CSMD1: variants seen among roughly 807,000 people sequenced by gnomAD.
CSMD1 encodes CUB and Sushi multiple domains 1.
In CSMD1, 213 loss-of-function variants were observed where a neutral mutation model predicts 417.5. The observed-to-expected ratio is 0.51, with a 90% CI of 0.46 to 0.57. CSMD1 has a LOEUF of 0.57. Ranked by LOEUF, CSMD1 falls within the 20% of genes least tolerant of loss-of-function variation. CSMD1 has a pLI of 0.00. For missense variants in CSMD1, 6,923 were observed against 4,529.7 expected (o/e 1.53, Z -15.17); for synonymous variants, 2,862 against 1,736.8 (o/e 1.65, Z -16.11).
chr8:3,805,284 A>G (rs1021136185), intron 5 of CSMD1, among the ~76,000 whole-genome samples: 1 of 152,186 alleles, frequency 6.6e-6, no homozygotes, highest in East Asian at 1.9e-4. Flanking sequence ...ATCGCAGAGG[A>G]AGGAGCCACA....
At chr8:4,116,807 A>G (rs571192964) in intron 3 of CSMD1, among the ~76,000 whole-genome samples, 10 of 145,134 alleles carry the variant, frequency 6.9e-5, no homozygotes, top group Non-Finnish European at 1.5e-4. Flanking sequence ...ACCTAAAACT[A>G]CTCTAAAAAA....
At chr8:4,052,233 A>C (rs1270800325) in intron 3 of CSMD1, among the ~76,000 whole-genome samples, 1 of 152,148 alleles carries the variant, frequency 6.6e-6, no homozygotes, top group Non-Finnish European at 1.5e-5. Context: ...CCAGTACTGC[A>C]GGATTTCTGA....
intron 3 of CSMD1, among the ~76,000 whole-genome samples, chr8:4,220,142 G>C (rs1317262994): frequency 2.6e-5 from 4 of 152,054 alleles, no homozygotes; most frequent in Admixed American, 6.5e-5. Flanking sequence ...GTAGAGACAG[G>C]GTTTTGCCAT....
At chr8:4,527,395 T>TAC (rs1314886314) in intron 2 of CSMD1, among the ~76,000 whole-genome samples, 2 of 152,238 alleles carry the variant, frequency 1.3e-5, no homozygotes, top group Non-Finnish European at 2.9e-5. Context: ...GGTCATTTTA[T>TAC]ACCTTTTTTC....
intron 7 of CSMD1, among the ~76,000 whole-genome samples, chr8:3,698,769 G>T (rs990878098): frequency 6.6e-6 from 1 of 152,140 alleles, no homozygotes; most frequent in Non-Finnish European, 1.5e-5. Flanking sequence ...ATCCATATGC[G>T]GACTAATAGA....
rs563408099 is a variant in CSMD1 at position 4,117,319 on chromosome 8, T to C, written c.416-85220A>G. Among the ~76,000 whole-genome samples, 605 of 151,750 alleles carry C rather than the reference T, an allele frequency of 4.0e-3. 6 individuals are homozygous for C. The highest frequency in any genetic ancestry group is 0.014 in the African/African-American group (561 of 41,430). ...TGGCTGGTGGGATCCTCCTTATACATCACCGTCTGCCTGTACCAACACTGT... is the reference window on the plus strand; with the variant it reads ...TGGCTGGTGGGATCCTCCTTATACACCACCGTCTGCCTGTACCAACACTGT... On this transcript the variant is annotated intron_variant, in intron 3 of 69. Transcript: ENST00000635120.
intron 3 of CSMD1, among the ~76,000 whole-genome samples, chr8:4,398,387 T>TC (rs1585013720): frequency 7.8e-6 from 1 of 127,946 alleles, no homozygotes; most frequent in East Asian, 2.4e-4. Context: ...TGCTGCAACT[T>TC]CTTTTTTTTT....
intron 65 of CSMD1, among the ~76,000 whole-genome samples, chr8:2,951,722 C>T (rs529224669): frequency 2.6e-5 from 4 of 152,248 alleles, no homozygotes; most frequent in African/African-American, 4.8e-5. Context: ...ATATATAATA[C>T]GAGAGCAATG....
At chr8:3,757,337 C>T (rs1323589962) in intron 5 of CSMD1, among the ~76,000 whole-genome samples, 1 of 152,190 alleles carries the variant, frequency 6.6e-6, no homozygotes, top group Non-Finnish European at 1.5e-5. Context: ...TTCAACTTTG[C>T]AGGTGTAGTT....
chr8:4,718,753 T>C (rs1478094973), intron 1 of CSMD1, among the ~76,000 whole-genome samples: 1 of 151,968 alleles, frequency 6.6e-6, no homozygotes, highest in African/African-American at 2.4e-5. Flanking sequence ...ACCAATTTTA[T>C]AAAAGAAAAT....
intron 1 of CSMD1, among the ~76,000 whole-genome samples, chr8:4,754,090 G>A (rs939508383): frequency 6.6e-6 from 1 of 152,064 alleles, no homozygotes; most frequent in Non-Finnish European, 1.5e-5. Context: ...TTAGAAATGT[G>A]AAATATGAAT....
chr8:3,835,989 A>T (rs940646534), intron 5 of CSMD1, among the ~76,000 whole-genome samples: 2 of 152,106 alleles, frequency 1.3e-5, no homozygotes, highest in Non-Finnish European at 2.9e-5. Context: ...TATTATTTCT[A>T]TAAGATTCTA....
At chr8:3,882,241 T>C (rs1324687032) in intron 5 of CSMD1, among the ~76,000 whole-genome samples, 1 of 152,080 alleles carries the variant, frequency 6.6e-6, no homozygotes, top group African/African-American at 2.4e-5. Context: ...GTAATTGATT[T>C]GAACTGACAC....
In CSMD1 at chr8:4,485,017, AAAAG is replaced by A. The variant is rs1563222495; in HGVS notation, c.303-64956_303-64953del. On this transcript the variant is annotated intron_variant, in intron 2 of 69. Transcript: ENST00000635120. The stretch of plus-strand genomic sequence containing the variant: ...AAAAAAAAAAAAAAAAAAAAAAAAA[AAAAG>A]AAAGAGTCACTATGACATATGGCTT... Among the ~76,000 whole-genome samples the A allele has an allele frequency of 2.0e-4, 25 of 127,474 alleles. 4 individuals are homozygous for A. Among genetic ancestry groups the A allele is most frequent in the Non-Finnish European group, 3.7e-4 (22 of 59,468 alleles). 83.6% of individuals were successfully genotyped at this position (127,474 alleles called of 152,430 possible).
intron 2 of CSMD1, among the ~76,000 whole-genome samples, chr8:4,445,176 C>CT (rs956589128): frequency 6.8e-4 from 104 of 151,864 alleles, no homozygotes; most frequent in African/African-American, 1.7e-3. Flanking sequence ...AATCTGACAC[C>CT]TTTTTTTTAA....
At chr8:4,933,584 G>T (rs926420933) in intron 1 of CSMD1, among the ~76,000 whole-genome samples, 2 of 152,168 alleles carry the variant, frequency 1.3e-5, no homozygotes, top group Admixed American at 6.5e-5. Flanking sequence ...TGGAAGTTTT[G>T]CAACAAGCCT....
chr8:4,852,176 G>A (rs1343308363), intron 1 of CSMD1, among the ~76,000 whole-genome samples: 1 of 152,112 alleles, frequency 6.6e-6, no homozygotes, highest in African/African-American at 2.4e-5. Context: ...TGCCAGCATT[G>A]TTCTATAACA....
chr8:4,824,024 A>C (rs1799668803), intron 1 of CSMD1, among the ~76,000 whole-genome samples: 1 of 151,888 alleles, frequency 6.6e-6, no homozygotes, highest in Non-Finnish European at 1.5e-5. Flanking sequence ...ATACATGCAC[A>C]CACAAACATC....
intron 7 of CSMD1, among the ~76,000 whole-genome samples, chr8:3,625,172 T>C (rs1796435460): frequency 6.6e-6 from 1 of 152,200 alleles, no homozygotes; most frequent in African/African-American, 2.4e-5. Flanking sequence ...ACAAGTTCTA[T>C]ATAAACAGGT....
Sources: gnomAD v4.1 joint callset for allele counts (sites outside exome capture counted in the v4.1 genomes callset) on GRCh38, gnomAD v4.1.1 for gene constraint, MANE v1.5 for transcripts, NCBI Gene and HGNC (gene_info 2026-07-23, HGNC 2026-07-21) for gene names.